Variants in RALGAPA2 observed in about 807,000 individuals in gnomAD.
RALGAPA2 encodes Ral GTPase activating protein catalytic subunit alpha 2, also known as ral GTPase-activating protein subunit alpha-2.
Under a neutral mutation model 230.4 loss-of-function variants are expected in RALGAPA2, and 139 were observed. The observed-to-expected ratio is 0.60, with a 90% CI of 0.53 to 0.69. The LOEUF (loss-of-function observed/expected upper bound fraction) is 0.69, where lower values mean the gene tolerates loss of function less well. Among genes scored for constraint, RALGAPA2 ranks in the 30% least tolerant of loss-of-function variants. The pLI, the probability that RALGAPA2 is intolerant of heterozygous loss-of-function variation, is 0.00. For missense variants in RALGAPA2, 2,163 were observed against 2,276.0 expected (o/e 0.95, Z 1.01); for synonymous variants, 847 against 837.8 (o/e 1.01, Z -0.19).
chr20:20,601,482 A>G (rs2146205967), intron 16 of RALGAPA2, among the ~76,000 whole-genome samples, 200 bp downstream of exon 16: 1 of 152,354 alleles, frequency 6.6e-6, no homozygotes, highest in East Asian at 1.9e-4. Context: ...CTTTCTCACA[A>G]TGGAGGATTT....
intron 36 of RALGAPA2, among the ~76,000 whole-genome samples, chr20:20,477,263 T>G (rs1451664922): frequency 6.6e-6 from 1 of 152,212 alleles, no homozygotes; most frequent in East Asian, 1.9e-4. Context: ...ACAGAGGATT[T>G]GAACAAGACA....
rs554633068 is a variant in RALGAPA2, at chr20:20,464,753, T to C, written c.5495+8076A>G. ...TGCTTCAACAACTTAGGGGTGATAA[T>C]GTTAGAATGATTATTTAGAGCACAA... On this transcript the variant is annotated intron_variant, in intron 37 of 39. Transcript: ENST00000202677. Among the ~76,000 whole-genome samples, 27 of 152,316 alleles carry C rather than the reference T, an allele frequency of 1.8e-4. No individual in the cohort carries two copies. In the South Asian group the frequency reaches 5.0e-3, roughly 28 times the overall value.
chr20:20,519,374 T>A (rs1408787120), intron 31 of RALGAPA2, among the ~76,000 whole-genome samples: 2 of 152,206 alleles, frequency 1.3e-5, no homozygotes, highest in Non-Finnish European at 2.9e-5. Flanking sequence ...CCAGACTCTG[T>A]AGTGCTGCAA....
chr20:20,712,267 C>CCA lies in RALGAPA2; in HGVS notation c.106+107_106+108insTG. 1.4e-5 allele frequency: 11 copies of CCA among 768,290 alleles called. No homozygotes were observed. The highest frequency in any genetic ancestry group is 4.4e-5 in the East Asian group (1 of 22,662). 47.6% of individuals were successfully genotyped at this position (768,290 alleles called of 1,614,324 possible). A position where few individuals can be genotyped will look rare whatever the true frequency, so the allele number is the denominator to read the frequency against. ...CAGGGAAGGGGGTCGGACGCCCACC[C>CCA]ATCCCCCTCCCCAGCCTCCCAGCCA... is the stretch of plus-strand genomic sequence containing the variant. On this transcript the variant is annotated intron_variant, in intron 1 of 39. Coordinates refer to ENST00000202677, the MANE Select transcript of RALGAPA2 (RefSeq NM_020343.4). The surrounding 1 kb of genome is among the most constrained non-coding windows in gnomAD (Gnocchi z 5.5).
intron 1 of RALGAPA2, among the ~76,000 whole-genome samples, chr20:20,692,775 G>T (rs2068960605): frequency 6.6e-6 from 1 of 152,194 alleles, no homozygotes; most frequent in Admixed American, 6.5e-5. Context: ...GGACAAACCT[G>T]CCACACTAAG....
chr20:20,441,610 C>G (rs1487842243), intron 37 of RALGAPA2, among the ~76,000 whole-genome samples: 1 of 152,220 alleles, frequency 6.6e-6, no homozygotes. Flanking sequence ...CTCCTCCTGG[C>G]TAATGCTCTA....
chr20:20,705,027 C>T (rs1021867292), intron 1 of RALGAPA2, among the ~76,000 whole-genome samples: 1 of 152,208 alleles, frequency 6.6e-6, no homozygotes, highest in African/African-American at 2.4e-5. Context: ...CTGTGCCCAC[C>T]TCTATGGTTC....
intron 4 of RALGAPA2, among the ~76,000 whole-genome samples, chr20:20,646,620 G>A (rs1404822204): frequency 1.3e-5 from 2 of 152,126 alleles, no homozygotes; most frequent in East Asian, 3.9e-4. Context: ...TCCTTTGAAT[G>A]TAAGTCTTAC....
At chr20:20,701,319 A>ATAT (rs1300821142) in intron 1 of RALGAPA2, among the ~76,000 whole-genome samples, 1 of 147,754 alleles carries the variant, frequency 6.8e-6, no homozygotes, top group Non-Finnish European at 1.5e-5. Flanking sequence ...TACTAAATAA[A>ATAT]TATTATTATT....
chr20:20,450,968 T>C (rs2060974853), intron 37 of RALGAPA2, among the ~76,000 whole-genome samples: 1 of 152,174 alleles, frequency 6.6e-6, no homozygotes, highest in Admixed American at 6.5e-5. Context: ...TGAGTGGTAA[T>C]AGGATAAAAT....
chr20:20,417,565 T>G (rs2060191222), intron 37 of RALGAPA2, among the ~76,000 whole-genome samples: 2 of 152,222 alleles, frequency 1.3e-5, no homozygotes, highest in South Asian at 4.1e-4. Flanking sequence ...ATCCTTAACT[T>G]ATATCAGCAC....
intron 37 of RALGAPA2, among the ~76,000 whole-genome samples, chr20:20,450,964 G>A (rs2060974741): frequency 6.6e-6 from 1 of 152,178 alleles, no homozygotes; most frequent in Non-Finnish European, 1.5e-5. Flanking sequence ...AAAATGAGTG[G>A]TAATAGGATA....
intron 38 of RALGAPA2, among the ~76,000 whole-genome samples, chr20:20,411,676 C>CTCTT (rs1392932530): frequency 6.6e-6 from 1 of 152,204 alleles, no homozygotes; most frequent in Non-Finnish European, 1.5e-5. Context: ...CTGTGAGGAA[C>CTCTT]TCTTTTTTGA....
chr20:20,598,138 C>T (rs779769988), intron 16 of RALGAPA2, among the ~76,000 whole-genome samples: 9 of 152,114 alleles, frequency 5.9e-5, no homozygotes, highest in Admixed American at 2.0e-4. Flanking sequence ...ACAGGAACAA[C>T]GTTTCTTTGT....
intron 10 of RALGAPA2, among the ~76,000 whole-genome samples, chr20:20,626,033 C>G (rs1237615266): frequency 6.6e-6 from 1 of 152,226 alleles, no homozygotes. Flanking sequence ...ATTCCCAAGT[C>G]ACTCATGGAC....
At chr20:20,607,822 A>G (rs1007999709) in intron 14 of RALGAPA2, among the ~76,000 whole-genome samples, 14 of 152,236 alleles carry the variant, frequency 9.2e-5, no homozygotes, top group African/African-American at 3.4e-4. Context: ...TATAAAATCA[A>G]CTTAGCAAAT....
At chr20:20,401,610 A>G (rs891327731) in intron 38 of RALGAPA2, among the ~76,000 whole-genome samples, 8 of 152,162 alleles carry the variant, frequency 5.3e-5, no homozygotes, top group African/African-American at 1.7e-4. Flanking sequence ...ACTCAGGACT[A>G]TTTTTTAAAA....
At chr20:20,524,932 C>T in intron 28 of RALGAPA2, 34 bp from the exon 29 acceptor site, 1 of 1,562,886 alleles carries the variant, frequency 6.4e-7, no homozygotes, top group Non-Finnish European at 8.7e-7. Context: ...TCAAACAGAC[C>T]ATATTTGTAA....
chr20:20,605,304 T>C lies in RALGAPA2; in HGVS notation c.1909A>G (p.Ile637Val), dbSNP rs760208808. 2 of 1,613,724 alleles carry C rather than the reference T, an allele frequency of 1.2e-6. No individual in the cohort carries two copies. Among genetic ancestry groups the C allele is most frequent in the Non-Finnish European group, 1.7e-6 (2 of 1,179,810 alleles). Residue 637 changes from isoleucine to valine, a missense_variant, in exon 15 of 40, where the codon ATA (isoleucine) becomes GTA (valine). Transcript: ENST00000202677. The stretch of plus-strand genomic sequence containing the variant: ...TCCATAATGTTGGCCCACTCGTTTA[T>C]AAGTTCCTCCCATTCCGTGAGGGAG... Reference protein sequence around the residue: ...LSSLTEWEELINEWANIMDSL... With the variant: ...LSSLTEWEELVNEWANIMDSL...
Sources: gnomAD v4.1 joint callset for allele counts (sites outside exome capture counted in the v4.1 genomes callset) on GRCh38, gnomAD v4.1.1 for gene constraint, Gnocchi (gnomAD v3.1) non-coding constraint, MANE v1.5 for transcripts, NCBI Gene and HGNC (gene_info 2026-07-23, HGNC 2026-07-21) for gene names.